Variants in GRAMD4 observed in about 807,000 individuals in gnomAD.
The protein encoded by GRAMD4 is GRAM domain containing 4, also known as GRAM domain-containing protein 4.
GRAMD4 carries 25 observed loss-of-function variants against 83.9 expected under a neutral mutation model. That is an observed-to-expected ratio of 0.30 (90% CI 0.22 to 0.42). The LOEUF is 0.42. GRAMD4 is among the 10% of genes least tolerant of loss of function. The pLI is 1.00. For missense variants in GRAMD4, 593 were observed against 788.7 expected (o/e 0.75, Z 2.97); for synonymous variants, 336 against 320.9 (o/e 1.05, Z -0.50).
Position 46,679,384 on chromosome 22 carries a change from G to C in GRAMD4, c.*2133G>C. 1 of 985,454 alleles carries C rather than the reference G, an allele frequency of 1.0e-6. No homozygotes were observed. The highest frequency in any genetic ancestry group is 1.2e-6 in the Non-Finnish European group (1 of 829,926). The allele number at this position is 985,454 out of a possible 1,614,324, so 61.0% of individuals were successfully genotyped here. A position where few individuals can be genotyped will look rare whatever the true frequency, so the allele number is the denominator to read the frequency against. The stretch of plus-strand genomic sequence containing the variant: ...GGGAGGGCCACATTCGGGGAGCGGG[G>C]GGTCGGGGGAGGGCCACCGACTGGC... On this transcript the variant is annotated 3_prime_UTR_variant, in exon 19 of 19. Transcript: ENST00000406902.
At chr22:46,627,647 G>T (rs2081688124) in intron 2 of GRAMD4, among the ~76,000 whole-genome samples, 1 of 152,210 alleles carries the variant, frequency 6.6e-6, no homozygotes, top group Admixed American at 6.5e-5. Context: ...CTCCCCGCAT[G>T]CACACACCAA....
chr22:46,627,003 G>A (rs372030349), intron 2 of GRAMD4, 42 bp downstream of exon 2: 25 of 1,434,776 alleles, frequency 1.7e-5, no homozygotes, highest in Middle Eastern at 2.0e-4. Context: ...CTGGGGTGTC[G>A]TCCCCGTCCT....
chr22:46,669,058 A>G, intron 13 of GRAMD4, 150 bp downstream of exon 13: 1 of 607,838 alleles, frequency 1.6e-6, no homozygotes, highest in South Asian at 1.9e-5. Context: ...AATTTGGGAG[A>G]AGTGAAGCCC....
chr22:46,611,559 G>A (rs2081417204), intron 1 of GRAMD4, among the ~76,000 whole-genome samples: 1 of 152,298 alleles, frequency 6.6e-6, no homozygotes, highest in South Asian at 2.1e-4. Flanking sequence ...TAGGGGAGAT[G>A]AACACTGGTG....
intron 1 of GRAMD4, among the ~76,000 whole-genome samples, chr22:46,591,159 C>T (rs751166120): frequency 3.3e-5 from 5 of 152,204 alleles, no homozygotes; most frequent in Non-Finnish European, 5.9e-5. Flanking sequence ...CTCTCAGCCG[C>T]GGGGTCCAGT....
chr22:46,643,972 C>T (rs767978278), intron 3 of GRAMD4, among the ~76,000 whole-genome samples: 1 of 152,210 alleles, frequency 6.6e-6, no homozygotes, highest in Non-Finnish European at 1.5e-5. Flanking sequence ...CCCCCATTTC[C>T]TCTCTTCCCC....
intron 2 of GRAMD4, among the ~76,000 whole-genome samples, chr22:46,637,112 C>G (rs1468720599): frequency 6.6e-6 from 1 of 152,160 alleles, no homozygotes; most frequent in African/African-American, 2.4e-5. Context: ...GCGCCCGCAG[C>G]CTCCACTGAG....
chr22:46,610,714 C>G (rs1483851010), intron 1 of GRAMD4, among the ~76,000 whole-genome samples: 5 of 152,228 alleles, frequency 3.3e-5, no homozygotes, highest in Non-Finnish European at 5.9e-5. Context: ...AAGGGGCTTC[C>G]TTTCGGCCAT....
intron 3 of GRAMD4, among the ~76,000 whole-genome samples, chr22:46,655,635 C>G (rs940455284): frequency 6.6e-6 from 1 of 152,198 alleles, no homozygotes; most frequent in African/African-American, 2.4e-5. Flanking sequence ...TCCCTCAGCC[C>G]TGGAGACGTG....
intron 1 of GRAMD4, among the ~76,000 whole-genome samples, chr22:46,578,443 G>A (rs142419771): frequency 2.4e-4 from 37 of 152,298 alleles, no homozygotes; most frequent in African/African-American, 7.2e-4. Context: ...TTCCTCACTA[G>A]CAAGTGGGCA....
downstream of GRAMD4, among the ~76,000 whole-genome samples, chr22:46,682,719 C>G (rs2082676910): frequency 6.6e-6 from 1 of 152,258 alleles, no homozygotes; most frequent in Admixed American, 6.5e-5. Context: ...TGACTGCAAT[C>G]CCCTTGCTGT....
chr22:46,599,102 T>A (rs7292319), intron 1 of GRAMD4, among the ~76,000 whole-genome samples: 105,335 of 151,930 alleles, frequency 0.69, 36,755 homozygotes, highest in African/African-American at 0.74. Flanking sequence ...ACATCCCAAG[T>A]CCTTGACAGA....
intron 13 of GRAMD4, among the ~76,000 whole-genome samples, chr22:46,669,553 T>C (rs2430745): frequency 0.32 from 48,747 of 151,672 alleles, 9,853 homozygotes; most frequent in African/African-American, 0.57. Flanking sequence ...CTTTCTCCTT[T>C]TCTTTGTTTT....
Position 46,659,978 on chromosome 22 carries a change from A to G in GRAMD4, c.405-1403A>G, listed in dbSNP as rs184202534. On this transcript the variant is annotated intron_variant, in intron 4 of 18. Coordinates refer to ENST00000406902, the MANE Select transcript of GRAMD4 (RefSeq NM_015124.5). The surrounding 1 kb of genome is among the most constrained non-coding windows in gnomAD (Gnocchi z 4.1). ...GTGCGGTCCCCAGGCATTTGGCCAC[A>G]GTGCCATCCCCGCCACGGGACGCTG... Among the ~76,000 whole-genome samples, 223 of 152,308 alleles carry G rather than the reference A, an allele frequency of 1.5e-3. 5 individuals carry two copies. The East Asian group carries it at 0.036, about 25-fold the overall frequency.
At position 46,596,979 on chromosome 22, in the gene GRAMD4, G is replaced by C. The variant is rs112493009; in HGVS notation, c.-50+19689G>C. The stretch of plus-strand genomic sequence containing the variant: ...TGGCTTAGCTGCTGCCTCCAGGTGG[G>C]ATCGGGAGCCACCCTTCTCAGCGTC... On this transcript the variant is annotated intron_variant, in intron 1 of 1. Transcript: ENST00000431155. 2.5e-3 allele frequency among the ~76,000 whole-genome samples: 387 copies of C among 152,320 alleles called. 4 individuals carry two copies. The highest frequency in any genetic ancestry group is 8.9e-3 in the African/African-American group (370 of 41,572).
intron 1 of GRAMD4, among the ~76,000 whole-genome samples, chr22:46,623,626 G>A (rs992836794): frequency 6.6e-6 from 1 of 152,004 alleles, no homozygotes; most frequent in African/African-American, 2.4e-5. Flanking sequence ...TCGATGTCCT[G>A]ACCTCGTGAT....
At chr22:46,616,852 C>CTG (rs551562075), upstream of GRAMD4, among the ~76,000 whole-genome samples, 5 of 23,420 alleles carry the variant, frequency 2.1e-4, no homozygotes, top group Admixed American at 4.4e-4. Context: ...GTACGTTCCC[C>CTG]TGTGTGTAGG....
At chr22:46,591,079 A>C (rs5769000) in intron 1 of GRAMD4, among the ~76,000 whole-genome samples, 11 of 151,890 alleles carry the variant, frequency 7.2e-5, no homozygotes, top group Middle Eastern at 3.2e-3. Flanking sequence ...AGAAAAAAAA[A>C]CAAACAAACC....
At position 46,620,656 on chromosome 22, in the gene GRAMD4, C is replaced by CCCCAGAG; in HGVS notation, c.-50+91_-50+92insCCCAGAG. The CCCCAGAG allele has an allele frequency of 5.8e-6, 2 of 345,080 alleles. No individual in the cohort carries two copies. Among genetic ancestry groups the CCCCAGAG allele is most frequent in the Non-Finnish European group, 8.2e-6 (2 of 243,638 alleles). 21.4% of individuals were successfully genotyped at this position (345,080 alleles called of 1,614,324 possible). A position where few individuals can be genotyped will look rare whatever the true frequency, so the allele number is the denominator to read the frequency against. ...TGGGAAAAGCTGCTACTCTCTGGGG[C>CCCCAGAG]AGTGGTCCCAGCTACCACGTGCTCT... On this transcript the variant is annotated intron_variant, in intron 1 of 18. Coordinates refer to ENST00000406902, the MANE Select transcript of GRAMD4 (RefSeq NM_015124.5). This position sits in a 1 kb window ranked among gnomAD's most constrained non-coding sequence, Gnocchi z 4.7.
Sources: allele counts gnomAD v4.1 joint callset (sites outside exome capture counted in the v4.1 genomes callset), GRCh38; gene constraint gnomAD v4.1.1; non-coding constraint Gnocchi (gnomAD v3.1); transcripts MANE v1.5; gene names NCBI Gene and HGNC (gene_info 2026-07-23, HGNC 2026-07-21).